The following WIPF3 variants were observed in gnomAD, a reference collection of about 807,000 sequenced individuals.
WIPF3 encodes WAS/WASL-interacting protein family member 3.
In WIPF3, 33 loss-of-function variants were observed where a neutral mutation model predicts 38.9. The ratio of observed to expected loss-of-function variants is 0.85; its 90% CI spans 0.64 to 1.14. The LOEUF is 1.14. Ranked by LOEUF, WIPF3 falls within the 50% of genes most tolerant of loss-of-function variation. The probability of loss-of-function intolerance (pLI) is 0.00; values close to 1 mark genes in which losing one functional copy is unlikely to be tolerated. For synonymous variants in WIPF3, 324 were observed against 269.3 expected, an observed-to-expected ratio of 1.20 and a Z score of -1.99; for missense variants, 711 against 652.5, an observed-to-expected ratio of 1.09 and a Z score of -0.98.
chr7:29,861,278 G>A (rs1330685101), intron 2 of WIPF3, among the ~76,000 whole-genome samples: 1 of 152,088 alleles, frequency 6.6e-6, no homozygotes, highest in Non-Finnish European at 1.5e-5. Flanking sequence ...TGGGGGGAGT[G>A]GAAGAGTTTA....
intron 2 of WIPF3, among the ~76,000 whole-genome samples, chr7:29,840,248 A>G (rs1189460432): frequency 2.0e-5 from 3 of 152,134 alleles, no homozygotes; most frequent in Admixed American, 2.0e-4. Flanking sequence ...TCCATCCTGC[A>G]TGGTCTGGCC....
intron 8 of WIPF3, among the ~76,000 whole-genome samples, chr7:29,910,724 T>G (rs1166138382): frequency 6.6e-6 from 1 of 152,060 alleles, no homozygotes. Flanking sequence ...CACCTTTTCA[T>G]GATAAAAAAA....
chr7:29,822,123 G>GTTTTTTTTTTT, intron 1 of WIPF3, among the ~76,000 whole-genome samples: 2 of 62,876 alleles, frequency 3.2e-5, no homozygotes, highest in African/African-American at 7.0e-5. Context: ...TTTTTTCTTA[G>GTTTTTTTTTTT]TTTTTTTTTT....
At chr7:29,845,811 T>C (rs539745260) in intron 2 of WIPF3, among the ~76,000 whole-genome samples, 15 of 152,348 alleles carry the variant, frequency 9.8e-5, no homozygotes, top group Admixed American at 9.1e-4. Context: ...CCGAAGGACG[T>C]AGTAGGCACT....
At chr7:29,845,325 A>G (rs1325965355) in intron 2 of WIPF3, among the ~76,000 whole-genome samples, 1 of 152,208 alleles carries the variant, frequency 6.6e-6, no homozygotes, top group Non-Finnish European at 1.5e-5. Context: ...CTGCCCCTTG[A>G]GCTCAGTGAC....
Position 29,884,281 on chromosome 7 carries a change from C to G in WIPF3, c.787C>G (p.Pro263Ala). 2 of 1,526,488 alleles carry G rather than the reference C, an allele frequency of 1.3e-6. No individual in the cohort carries two copies. The highest frequency in any genetic ancestry group is 1.8e-6 in the Non-Finnish European group (2 of 1,133,476). 94.6% of individuals were successfully genotyped at this position (1,526,488 alleles called of 1,614,324 possible). ...APLHLPPIPP[P>A]LPLLPPCGYP... is the part of the protein sequence containing the mutation. ...CTTGCACCTCCCGCCCATCCCGCCC[C>G]CGCTCCCTCTGCTCCCACCTTGTGG... Residue 263 changes from proline to alanine, a missense_variant, in exon 5 of 9, where the codon CCG becomes GCG. Pro to Ala is a conservative substitution (Grantham distance 27, BLOSUM62 -1). Transcript: ENST00000242140.
intron 8 of WIPF3, chr7:29,904,755 G>GT (rs879849394): frequency 2.3e-4 from 36 of 157,548 alleles, no homozygotes; most frequent in South Asian, 5.7e-4. Context: ...CACACTTGGA[G>GT]TTTTTTTTTC....
chr7:29,883,590 C>T (rs1785767615), intron 4 of WIPF3, among the ~76,000 whole-genome samples: 1 of 152,174 alleles, frequency 6.6e-6, no homozygotes, highest in Non-Finnish European at 1.5e-5. Flanking sequence ...AGGCAGATGA[C>T]AGCACAGGTG....
intron 2 of WIPF3, among the ~76,000 whole-genome samples, chr7:29,872,569 G>A (rs1785514184): frequency 1.3e-5 from 2 of 151,930 alleles, no homozygotes; most frequent in South Asian, 2.1e-4. Flanking sequence ...CGAGGCGGGC[G>A]GATCACAAGG....
At chr7:29,865,810 C>T (rs894593537) in intron 2 of WIPF3, among the ~76,000 whole-genome samples, 2 of 152,160 alleles carry the variant, frequency 1.3e-5, no homozygotes, top group African/African-American at 4.8e-5. Flanking sequence ...CAAGTCTGGA[C>T]CCAGAGGCGT....
intron 1 of WIPF3, among the ~76,000 whole-genome samples, chr7:29,818,959 A>C (rs1164162236): frequency 6.6e-6 from 1 of 152,086 alleles, no homozygotes; most frequent in African/African-American, 2.4e-5. Context: ...TTTAAACCCT[A>C]CTTGGTTGGC....
At chr7:29,824,550 T>TAAA (rs398047618) in intron 1 of WIPF3, among the ~76,000 whole-genome samples, 1 of 135,720 alleles carries the variant, frequency 7.4e-6, no homozygotes, top group African/African-American at 2.7e-5. Context: ...GATGTATTTT[T>TAAA]AAAAAAAAAA....
At chr7:29,870,564 G>A (rs1438566384) in intron 2 of WIPF3, among the ~76,000 whole-genome samples, 1 of 152,254 alleles carries the variant, frequency 6.6e-6, no homozygotes, top group African/African-American at 2.4e-5. Context: ...TAGTAACCAA[G>A]TTATGAAAGT....
intron 2 of WIPF3, among the ~76,000 whole-genome samples, chr7:29,856,622 C>A (rs1462677357): frequency 1.3e-5 from 2 of 152,284 alleles, no homozygotes; most frequent in South Asian, 4.1e-4. Flanking sequence ...CAGAATGAGA[C>A]CCTGTCTCAA....
At chr7:29,810,185 T>C (rs1449791539) in intron 1 of WIPF3, among the ~76,000 whole-genome samples, 1 of 152,232 alleles carries the variant, frequency 6.6e-6, no homozygotes, top group Non-Finnish European at 1.5e-5. Context: ...GGGAGCTGAT[T>C]CTTCATACTC....
intron 8 of WIPF3, chr7:29,912,591 C>G (rs6462187): frequency 0.49 from 104,764 of 212,804 alleles, 27,870 homozygotes; most frequent in East Asian, 0.71. Flanking sequence ...ATGTGCCACT[C>G]TCTGAACCTT....
intron 8 of WIPF3, among the ~76,000 whole-genome samples, chr7:29,913,925 T>C (rs1285411880): frequency 3.9e-5 from 6 of 152,244 alleles, no homozygotes; most frequent in African/African-American, 1.2e-4. Context: ...CCTGCAAGTC[T>C]ACTCAAAGTG....
At chr7:29,837,040 T>C (rs1784815363) in intron 2 of WIPF3, among the ~76,000 whole-genome samples, 1 of 148,630 alleles carries the variant, frequency 6.7e-6, no homozygotes, top group South Asian at 2.2e-4. Flanking sequence ...GAAAAGTAGA[T>C]ATAAAATGAT....
At chr7:29,900,226 T>C (rs1198937299) in intron 7 of WIPF3, among the ~76,000 whole-genome samples, 1 of 152,186 alleles carries the variant, frequency 6.6e-6, no homozygotes, top group Non-Finnish European at 1.5e-5. Context: ...TGTGAGCCAC[T>C]GCACCCAGCC....
Sources: gnomAD v4.1 joint callset for allele counts (sites outside exome capture counted in the v4.1 genomes callset) on GRCh38, gnomAD v4.1.1 for gene constraint, MANE v1.5 for transcripts, NCBI Gene and HGNC (gene_info 2026-07-23, HGNC 2026-07-21) for gene names.